The following L3MBTL3 variants were observed in gnomAD, a reference collection of about 807,000 sequenced individuals.
L3MBTL3 encodes lethal(3)malignant brain tumor-like protein 3.
A neutral mutation model predicts 102.3 loss-of-function variants in L3MBTL3; 27 were observed. The observed-to-expected ratio is 0.26, with a 90% CI of 0.19 to 0.36. The LOEUF (loss-of-function observed/expected upper bound fraction) is 0.36. Among genes scored for constraint, L3MBTL3 ranks in the 10% least tolerant of loss-of-function variants. The pLI is 1.00. For missense variants in L3MBTL3, 798 were observed against 955.3 expected, an observed-to-expected ratio of 0.84 and a Z score of 2.17; for synonymous variants, 340 against 320.9, an observed-to-expected ratio of 1.06 and a Z score of -0.64.
At chr6:130,030,694 A>AAAAGG (rs1779664700) in intron 2 of L3MBTL3, among the ~76,000 whole-genome samples, 1 of 147,418 alleles carries the variant, frequency 6.8e-6, no homozygotes, top group African/African-American at 2.5e-5. Flanking sequence ...AAAAAAAAAA[A>AAAAGG]GATTTAAACC....
intron 14 of L3MBTL3, among the ~76,000 whole-genome samples, chr6:130,081,181 G>C (rs145224901): frequency 2.6e-5 from 4 of 152,206 alleles, no homozygotes; most frequent in African/African-American, 9.6e-5. Context: ...ATACATTAAT[G>C]CATGCTTGTT....
rs138253980 is a variant in L3MBTL3 at position 130,113,404 on chromosome 6, T to C, written c.1887-7475T>C. Among the ~76,000 whole-genome samples, 281 of 152,332 alleles carry C rather than the reference T, an allele frequency of 1.8e-3. 1 individual carries two copies. The highest frequency in any genetic ancestry group is 6.0e-3 in the African/African-American group (251 of 41,578). On this transcript the variant is annotated intron_variant, in intron 19 of 22. Coordinates refer to ENST00000361794, the MANE Select transcript of L3MBTL3 (RefSeq NM_032438.4). ...TTAGTTGGGAAACATCGGGCATCCA[T>C]CCCACATAGCCTTGTTCTCATGAAA... is the stretch of plus-strand genomic sequence containing the variant.
chr6:130,061,235 C>A (rs1172594474), intron 10 of L3MBTL3, among the ~76,000 whole-genome samples: 1 of 152,090 alleles, frequency 6.6e-6, no homozygotes, highest in African/African-American at 2.4e-5. Context: ...CAGGCGCGTG[C>A]CACCTTGCCT....
At chr6:130,028,035 C>A (rs1040204128) in intron 2 of L3MBTL3, among the ~76,000 whole-genome samples, 14 of 150,974 alleles carry the variant, frequency 9.3e-5, no homozygotes, top group African/African-American at 3.4e-4. Context: ...ATGCCATAGG[C>A]CCATTAATGT....
At chr6:130,111,885 T>C (rs1785370429) in intron 19 of L3MBTL3, among the ~76,000 whole-genome samples, 2 of 152,234 alleles carry the variant, frequency 1.3e-5, no homozygotes, top group Admixed American at 1.3e-4. Context: ...ATTCTTGGAA[T>C]TAAGACCCTA....
intron 20 of L3MBTL3, among the ~76,000 whole-genome samples, chr6:130,126,611 T>C (rs1202331551): frequency 6.6e-6 from 1 of 152,200 alleles, no homozygotes; most frequent in Admixed American, 6.5e-5. Flanking sequence ...ATCACTTTCT[T>C]CTACCCTAAG....
chr6:130,058,099 C>T (rs893218303), intron 9 of L3MBTL3, among the ~76,000 whole-genome samples: 4 of 137,152 alleles, frequency 2.9e-5, no homozygotes, highest in East Asian at 2.1e-4. Context: ...GCCGAGATTG[C>T]GCCATTGCAG....
chr6:130,034,107 C>T (rs1779896445), intron 2 of L3MBTL3, among the ~76,000 whole-genome samples: 1 of 152,120 alleles, frequency 6.6e-6, no homozygotes, highest in East Asian at 1.9e-4. Flanking sequence ...GCTGCAGGAA[C>T]CCAGCTCGTA....
intron 6 of L3MBTL3, 118 bp from the exon 7 acceptor site, chr6:130,052,741 T>TA (rs1375631465): frequency 7.9e-7 from 1 of 1,272,752 alleles, no homozygotes; most frequent in East Asian, 2.6e-5. Context: ...TCCTGGTAGT[T>TA]AAAGATTTTT....
chr6:130,047,880 T>G (rs916277009), intron 3 of L3MBTL3, among the ~76,000 whole-genome samples: 12 of 152,216 alleles, frequency 7.9e-5, no homozygotes, highest in Non-Finnish European at 1.6e-4. Flanking sequence ...TCCTTCTAAA[T>G]AAACTTTTAC....
intron 14 of L3MBTL3, among the ~76,000 whole-genome samples, chr6:130,080,773 G>A (rs1303491312): frequency 6.6e-6 from 1 of 152,078 alleles, no homozygotes; most frequent in Non-Finnish European, 1.5e-5. Context: ...AGTAAAAATG[G>A]TAAATTTTAT....
intron 18 of L3MBTL3, among the ~76,000 whole-genome samples, chr6:130,101,206 G>A (rs1784664240): frequency 6.6e-6 from 1 of 152,144 alleles, no homozygotes; most frequent in African/African-American, 2.4e-5. Context: ...AATTTATTTT[G>A]TCATAAACAG....
intron 1 of L3MBTL3, among the ~76,000 whole-genome samples, chr6:130,021,520 A>G (rs1033583690): frequency 6.6e-6 from 1 of 152,222 alleles, no homozygotes; most frequent in Non-Finnish European, 1.5e-5. Flanking sequence ...TTGCTTTTGC[A>G]TTTATCGGTG....
chr6:130,093,274 T>C (rs1428109416), intron 17 of L3MBTL3, among the ~76,000 whole-genome samples: 1 of 152,210 alleles, frequency 6.6e-6, no homozygotes, highest in East Asian at 1.9e-4. Context: ...TATTTACAAC[T>C]GCTTGTGAAT....
intron 7 of L3MBTL3, 130 bp from the exon 8 acceptor site, chr6:130,055,041 T>C (rs1781375050): frequency 1.4e-6 from 1 of 701,218 alleles, no homozygotes; most frequent in Admixed American, 2.4e-5. Context: ...ATATTCTTAC[T>C]TTCCTTAAAA....
intron 13 of L3MBTL3, among the ~76,000 whole-genome samples, chr6:130,077,394 GT>G (rs1001371442): frequency 2.0e-5 from 3 of 151,990 alleles, no homozygotes; most frequent in African/African-American, 4.8e-5. Flanking sequence ...GCAGTGCTTG[GT>G]TTTTTTTCAT....
intron 18 of L3MBTL3, among the ~76,000 whole-genome samples, chr6:130,100,200 A>C (rs1221833026): frequency 1.3e-5 from 2 of 152,180 alleles, no homozygotes; most frequent in African/African-American, 4.8e-5. Flanking sequence ...TGGGTAATGC[A>C]CTTAATCCGA....
At chr6:130,064,216 A>T (rs1317167589) in intron 10 of L3MBTL3, among the ~76,000 whole-genome samples, 1 of 152,176 alleles carries the variant, frequency 6.6e-6, no homozygotes, top group Non-Finnish European at 1.5e-5. Context: ...TTGGCAAGAA[A>T]ATGTTTTTTA....
chr6:130,082,118 C>T (rs1008329037), intron 14 of L3MBTL3, among the ~76,000 whole-genome samples: 3 of 152,134 alleles, frequency 2.0e-5, no homozygotes, highest in East Asian at 1.9e-4. Context: ...TTTACTGGTT[C>T]GCTTTTACCA....
Sources: gnomAD v4.1 joint callset for allele counts (sites outside exome capture counted in the v4.1 genomes callset) on GRCh38, gnomAD v4.1.1 for gene constraint, MANE v1.5 for transcripts, NCBI Gene and HGNC (gene_info 2026-07-23, HGNC 2026-07-21) for gene names.